Variants in MCTP1 observed in about 807,000 individuals in gnomAD.
The protein encoded by MCTP1 is multiple C2 and transmembrane domain containing 1.
Under a neutral mutation model 120.6 loss-of-function variants are expected in MCTP1, and 69 were observed. The ratio of observed to expected loss-of-function variants is 0.57; its 90% CI spans 0.47 to 0.70. The LOEUF is 0.70. MCTP1 is among the 30% of genes least tolerant of loss of function. The pLI is 0.00. For synonymous variants in MCTP1, 529 were observed against 493.1 expected, an observed-to-expected ratio of 1.07 and a Z score of -0.96; for missense variants, 1,203 against 1,248.8, an observed-to-expected ratio of 0.96 and a Z score of 0.55.
intron 2 of MCTP1, among the ~76,000 whole-genome samples, chr5:94,989,000 C>T (rs189304020): frequency 6.6e-6 from 1 of 152,248 alleles, no homozygotes. Context: ...CCTCCCATGA[C>T]AAGTGGGGAT....
Position 94,917,937 on chromosome 5 carries a change from A to C in MCTP1, c.1309T>G (p.Cys437Gly). 1.9e-6 allele frequency: 3 copies of C among 1,614,100 alleles called. No individual in the cohort carries two copies. Among genetic ancestry groups the C allele is most frequent in the Non-Finnish European group, 2.5e-6 (3 of 1,179,952 alleles). ...GRPALPVLGF[C>G]RAELQNPYCK... ...TAAGGATTCTGAAGCTCTGCTCTGC[A>C]GAAGCCCAGGACAGGAAGAGCTGGC... Residue 437 changes from cysteine (C) to glycine (G), a missense_variant, in exon 8 of 23, where the codon TGC becomes GGC. Cys to Gly is a radical substitution (Grantham distance 159, BLOSUM62 -3). This residue lies in a region of MCTP1 where 740 missense variants were observed against 871.1 expected (regional missense o/e 0.85). Coordinates refer to ENST00000515393, the MANE Select transcript of MCTP1 (RefSeq NM_024717.7).
chr5:94,967,152 T>C (rs960641829), intron 2 of MCTP1, among the ~76,000 whole-genome samples: 1 of 152,202 alleles, frequency 6.6e-6, no homozygotes, highest in Non-Finnish European at 1.5e-5. Flanking sequence ...TTTTGCTTCT[T>C]GCTCCCTCCC....
intron 1 of MCTP1, among the ~76,000 whole-genome samples, chr5:95,253,069 A>G (rs1757528900): frequency 6.6e-6 from 1 of 152,184 alleles, no homozygotes; most frequent in African/African-American, 2.4e-5. Flanking sequence ...GCTGTCTAAC[A>G]TAAATCATTC....
chr5:95,017,003 G>A (rs542534924), intron 2 of MCTP1, among the ~76,000 whole-genome samples: 2 of 152,252 alleles, frequency 1.3e-5, no homozygotes, highest in African/African-American at 4.8e-5. Context: ...CTGAGCAAAT[G>A]TATATAGCAA....
At chr5:95,108,684 C>T (rs1043387494) in intron 1 of MCTP1, among the ~76,000 whole-genome samples, 4 of 152,152 alleles carry the variant, frequency 2.6e-5, no homozygotes, top group Admixed American at 6.6e-5. Flanking sequence ...GACACCTTTG[C>T]GTTTTGCAAC....
At chr5:95,278,791 C>T (rs556032679) in intron 1 of MCTP1, among the ~76,000 whole-genome samples, 26 of 151,662 alleles carry the variant, frequency 1.7e-4, no homozygotes, top group Admixed American at 1.3e-3. Flanking sequence ...GGAGACACCC[C>T]GTCTCTACTA....
chr5:94,831,302 C>T (rs1788467317), intron 17 of MCTP1, among the ~76,000 whole-genome samples: 1 of 152,168 alleles, frequency 6.6e-6, no homozygotes, highest in Admixed American at 6.5e-5. Flanking sequence ...CTGAAAAGGT[C>T]AAAATGGGCC....
chr5:94,783,261 T>C (rs10041173), intron 18 of MCTP1, among the ~76,000 whole-genome samples: 5,556 of 152,190 alleles, frequency 0.037, 377 homozygotes, highest in African/African-American at 0.12. Context: ...GCATATTTCT[T>C]CCTCTATATT....
At chr5:95,012,990 T>C (rs1054525535) in intron 2 of MCTP1, among the ~76,000 whole-genome samples, 4 of 152,100 alleles carry the variant, frequency 2.6e-5, no homozygotes, top group African/African-American at 9.7e-5. Flanking sequence ...TCCAAACAGG[T>C]AGCCAAGTTA....
At chr5:95,230,707 G>A (rs763400957) in intron 1 of MCTP1, among the ~76,000 whole-genome samples, 2 of 152,166 alleles carry the variant, frequency 1.3e-5, no homozygotes, top group Non-Finnish European at 2.9e-5. Context: ...TTCTGATAAT[G>A]GAACACTAGG....
intron 1 of MCTP1, among the ~76,000 whole-genome samples, chr5:95,127,023 C>G (rs1297319758): frequency 6.6e-6 from 1 of 152,142 alleles, no homozygotes; most frequent in African/African-American, 2.4e-5. Context: ...GCAGGTTGAG[C>G]TACCTTTTTA....
At chr5:94,835,754 C>T (rs112607590) in intron 17 of MCTP1, among the ~76,000 whole-genome samples, 81 of 152,252 alleles carry the variant, frequency 5.3e-4, no homozygotes, top group Non-Finnish European at 1.1e-3. Flanking sequence ...CCTGTAATCC[C>T]GGCACTTTGG....
chr5:94,866,906 C>T (rs191267009), intron 17 of MCTP1, among the ~76,000 whole-genome samples: 2 of 151,754 alleles, frequency 1.3e-5, no homozygotes, highest in Non-Finnish European at 2.9e-5. Context: ...ACAAATAATA[C>T]AATTATATGC....
intron 1 of MCTP1, among the ~76,000 whole-genome samples, chr5:95,238,708 C>T (rs1755831696): frequency 1.3e-5 from 2 of 152,106 alleles, no homozygotes; most frequent in Non-Finnish European, 1.5e-5. Flanking sequence ...GATACCAAGC[C>T]TCATATTCTT....
intron 2 of MCTP1, among the ~76,000 whole-genome samples, chr5:94,959,448 G>A (rs1202802306): frequency 6.6e-6 from 1 of 151,986 alleles, no homozygotes; most frequent in Non-Finnish European, 1.5e-5. Flanking sequence ...GAGAAATAAA[G>A]GTATTCAAAT....
At chr5:95,009,376 T>G (rs1835460364) in intron 2 of MCTP1, among the ~76,000 whole-genome samples, 1 of 152,074 alleles carries the variant, frequency 6.6e-6, no homozygotes, top group African/African-American at 2.4e-5. Context: ...TCTGATAGAT[T>G]ATAATATAGA....
At chr5:94,847,682 G>GTATATATATATATATA (rs373174876) in intron 17 of MCTP1, among the ~76,000 whole-genome samples, 1 of 102,404 alleles carries the variant, frequency 9.8e-6, no homozygotes, top group African/African-American at 3.8e-5. Flanking sequence ...GTGTGTGTGT[G>GTATATATATATATATA]TATATATATA....
chr5:95,088,229 C>T (rs1327255692), intron 1 of MCTP1, among the ~76,000 whole-genome samples: 1 of 152,224 alleles, frequency 6.6e-6, no homozygotes, highest in Non-Finnish European at 1.5e-5. Flanking sequence ...CAAGGCCAAC[C>T]TGCAAGGCCC....
At position 94,894,732 on chromosome 5, in the gene MCTP1, C is replaced by T. The variant is rs757024330; in HGVS notation, c.1756G>A (p.Ala586Thr). The change falls in exon 11 of 23, where the codon GCA (alanine) becomes ACA (threonine). Residue 586 changes from alanine (A) to threonine (T), a missense_variant. Ala to Thr is a moderately conservative substitution (Grantham distance 58). This residue lies in a region of MCTP1 where 740 missense variants were observed against 871.1 expected (regional missense o/e 0.85). Transcript: ENST00000515393. ...TCAGAGATGCTGACTGTGGCTGATG[C>T]TGTCAGAGTGACCAGCAGCACCAGG... ...GHLVLLVTLT[A>T]SATVSISDLS... The T allele has an allele frequency of 1.2e-6, 2 of 1,613,882 alleles. No homozygotes were observed. The highest frequency in any genetic ancestry group is 1.7e-6 in the Non-Finnish European group (2 of 1,179,814).
Sources: gnomAD v4.1 joint callset for allele counts (sites outside exome capture counted in the v4.1 genomes callset) on GRCh38, gnomAD v4.1.1 for gene constraint, gnomAD v4.1.1 regional missense constraint, MANE v1.5 for transcripts, NCBI Gene and HGNC (gene_info 2026-07-23, HGNC 2026-07-21) for gene names.